The following PATL2 variants were observed in gnomAD, a reference collection of about 807,000 sequenced individuals.
The protein encoded by PATL2 is protein PAT1 homolog 2.
In PATL2, 73 loss-of-function variants were observed where a neutral mutation model predicts 77.0. The observed-to-expected ratio is 0.95, with a 90% confidence interval of 0.78 to 1.15. The LOEUF (loss-of-function observed/expected upper bound fraction) is 1.15, where lower values mean the gene tolerates loss of function less well. PATL2 is among the 50% of genes most tolerant of loss of function. PATL2 has a pLI of 0.00. For missense variants in PATL2, 618 were observed against 655.4 expected, an observed-to-expected ratio of 0.94 and a Z score of 0.62; for synonymous variants, 265 against 257.1, an observed-to-expected ratio of 1.03 and a Z score of -0.29.
Position 44,673,287 on chromosome 15 carries a change from G to C in PATL2, c.394C>G (p.Pro132Ala). 6.4e-7 allele frequency: 1 copy of C among 1,551,674 alleles called. No homozygotes were observed. Among genetic ancestry groups the C allele is most frequent in the South Asian group, 1.2e-5 (1 of 84,062 alleles). ...AQHFGPRLPS[P>A]DPTLFCSLLT... ...AGGCTGCAGAAGAGAGTTGGGTCTG[G>C]TGAGGGCAGCCGAGGTCCAAAGTGC... is the stretch of plus-strand genomic sequence containing the variant. The change falls in exon 7 of 18, where the codon CCA (proline) becomes GCA (alanine). Residue 132 changes from proline to alanine, a missense_variant. Physicochemically the swap from Pro to Ala is conservative, Grantham distance 27. Transcript: ENST00000682850.
Position 44,673,312 on chromosome 15 carries a change from C to CTG in PATL2, c.367_368dup (p.Gln123HisfsTer20). 6.4e-7 allele frequency: 1 copy of CTG among 1,551,692 alleles called. No homozygotes were observed. The highest frequency in any genetic ancestry group is 1.4e-5 in the African/African-American group (1 of 73,160). ...GTGAGGGCAGCCGAGGTCCAAAGTG[C>CTG]TGTGCTGGAGAGCTGGTGCTGGGAA... On this transcript the variant is annotated frameshift_variant, in exon 7 of 18. Transcript: ENST00000682850. LOFTEE classifies it high-confidence loss of function.
At chr15:44,710,571 G>T (rs1164220664) in intron 2 of PATL2, among the ~76,000 whole-genome samples, 3 of 152,236 alleles carry the variant, frequency 2.0e-5, no homozygotes, top group Non-Finnish European at 4.4e-5. Flanking sequence ...TCAGGCCAGA[G>T]TTTGAATTCT....
At chr15:44,679,072 T>G (rs1195197578) in intron 3 of PATL2, among the ~76,000 whole-genome samples, 1 of 152,170 alleles carries the variant, frequency 6.6e-6, no homozygotes, top group Non-Finnish European at 1.5e-5. Flanking sequence ...TTCATTTACT[T>G]GTTTATTTTG....
At chr15:44,672,520 C>T in intron 7 of PATL2, 64 bp from the exon 8 acceptor site, 2 of 1,464,298 alleles carry the variant, frequency 1.4e-6, no homozygotes, top group Non-Finnish European at 1.9e-6. Flanking sequence ...CCCCTCCATT[C>T]ATTCAGCCCA....
rs1405040820 is a variant in PATL2, at chr15:44,669,881, G to A, written c.779-7C>T. 1 of 1,551,500 alleles carries A rather than the reference G, an allele frequency of 6.4e-7. No individual in the cohort carries two copies. The highest frequency in any genetic ancestry group is 8.7e-7 in the Non-Finnish European group (1 of 1,146,950). ...GAACCCTCGATTCGGACCACTGCATGAGAAGAGAGGCACATTTCCTTCCCC... is the reference window on the plus strand; with the variant it reads ...GAACCCTCGATTCGGACCACTGCATAAGAAGAGAGGCACATTTCCTTCCCC... On this transcript the variant is annotated splice_region_variant and splice_polypyrimidine_tract_variant and intron_variant, in intron 10 of 17. Transcript: ENST00000682850.
chr15:44,676,565 C>A lies in PATL2; in HGVS notation c.-75G>T, dbSNP rs2085965699. 1 of 1,549,752 alleles carries A rather than the reference C, an allele frequency of 6.5e-7. No individual in the cohort carries two copies. The highest frequency in any genetic ancestry group is 8.7e-7 in the Non-Finnish European group (1 of 1,145,906). On this transcript the variant is annotated splice_region_variant and 5_prime_UTR_variant, in exon 4 of 18. An upstream open reading frame in the 5' UTR loses its in-frame stop. Coordinates refer to ENST00000682850, the MANE Select transcript of PATL2 (RefSeq NM_001387263.1). ...GCATTGCCAGCCTCTGGAAGGTAAACCTGAGACAAGAAAGAGGCCAAGAGG... is the reference window on the plus strand; with the variant it reads ...GCATTGCCAGCCTCTGGAAGGTAAAACTGAGACAAGAAAGAGGCCAAGAGG...
At chr15:44,687,704 C>A (rs12593352) in intron 3 of PATL2, among the ~76,000 whole-genome samples, 1 of 152,090 alleles carries the variant, frequency 6.6e-6, no homozygotes, top group South Asian at 2.1e-4. Flanking sequence ...GCAATTTCAG[C>A]AGTCTCAGGC....
intron 3 of PATL2, among the ~76,000 whole-genome samples, chr15:44,700,079 T>C (rs1269423640): frequency 6.6e-6 from 1 of 152,152 alleles, no homozygotes; most frequent in Non-Finnish European, 1.5e-5. Context: ...ATCTGTAGAT[T>C]GCTTTAGGTA....
In PATL2 at chr15:44,706,271, C is replaced by A. The variant is rs77246835; in HGVS notation, c.-76+3825G>T. Among the ~76,000 whole-genome samples, 893 of 152,224 alleles carry A rather than the reference C, an allele frequency of 5.9e-3. 9 individuals are homozygous for A. The highest frequency in any genetic ancestry group is 0.021 in the African/African-American group (859 of 41,538). On this transcript the variant is annotated intron_variant, in intron 3 of 17. Transcript: ENST00000682850. Reference sequence around the variant, plus strand: ...TTTATTATAGTCTTTGCAGTCTGGGCTGTTTGTATCTGTCCTTCTTGGGAA... The same window carrying A: ...TTTATTATAGTCTTTGCAGTCTGGGATGTTTGTATCTGTCCTTCTTGGGAA...
chr15:44,708,919 G>A (rs1406885959), intron 3 of PATL2, among the ~76,000 whole-genome samples: 1 of 151,992 alleles, frequency 6.6e-6, no homozygotes, highest in East Asian at 1.9e-4. Flanking sequence ...TTCTTTTTGA[G>A]ATGAAGTCTT....
In PATL2 at chr15:44,669,986, C is replaced by T. The variant is rs1359734408; in HGVS notation, c.759G>A (p.Lys253=). The part of the protein sequence containing the change: ...SLKLVTPYIP[K]AEAYESVVRI... Reference sequence around the variant, plus strand: ...CCCTACCGGACTCATAAGCCTCTGCCTTCGGAATGTAAGGCGTTACCAGCT... The same window carrying T: ...CCCTACCGGACTCATAAGCCTCTGCTTTCGGAATGTAAGGCGTTACCAGCT... Residue 253 remains lysine (K), a synonymous_variant, in exon 10 of 18, where the codon AAG becomes AAA. Transcript: ENST00000682850. 1.9e-6 allele frequency: 3 copies of T among 1,548,712 alleles called. No homozygotes were observed. The highest frequency in any genetic ancestry group is 2.6e-6 in the Non-Finnish European group (3 of 1,145,760).
At chr15:44,682,393 T>G (rs2141229019) in intron 3 of PATL2, among the ~76,000 whole-genome samples, 2 of 152,338 alleles carry the variant, frequency 1.3e-5, no homozygotes, top group South Asian at 4.1e-4. Context: ...TGTGTCGTCA[T>G]TCTGTTTCTA....
intron 3 of PATL2, among the ~76,000 whole-genome samples, chr15:44,684,793 C>T (rs988593866): frequency 3.3e-5 from 5 of 152,118 alleles, no homozygotes; most frequent in South Asian, 2.1e-4. Flanking sequence ...GACACATAAT[C>T]ATCAGATCCA....
intron 3 of PATL2, among the ~76,000 whole-genome samples, chr15:44,681,234 G>T (rs1435492007): frequency 6.6e-6 from 1 of 152,104 alleles, no homozygotes; most frequent in Non-Finnish European, 1.5e-5. Flanking sequence ...GCCCAGACTG[G>T]TCTCAAACTC....
At position 44,665,732 on chromosome 15, in the gene PATL2, T is replaced by A; in HGVS notation, c.*221A>T. On this transcript the variant is annotated 3_prime_UTR_variant, in exon 18 of 18. Coordinates refer to ENST00000682850, the MANE Select transcript of PATL2 (RefSeq NM_001387263.1). ...TAACTTACAAGCAAGTTCCAACACA[T>A]CATTCTATTATCTCTTTAATTATAC... 1.6e-6 allele frequency: 2 copies of A among 1,275,672 alleles called. No individual in the cohort carries two copies. Among genetic ancestry groups the A allele is most frequent in the Non-Finnish European group, 1.0e-6 (1 of 977,730 alleles). The allele number at this position is 1,275,672 out of a possible 1,614,324, so 79.0% of individuals were successfully genotyped here.
chr15:44,696,245 A>G (rs546369705), intron 3 of PATL2, among the ~76,000 whole-genome samples: 21 of 152,310 alleles, frequency 1.4e-4, no homozygotes, highest in African/African-American at 4.8e-4. Flanking sequence ...ACTGGGTATA[A>G]TCTTCCCCAG....
At chr15:44,669,691 C>A in intron 11 of PATL2, 86 bp downstream of exon 11, 1 of 1,512,180 alleles carries the variant, frequency 6.6e-7, no homozygotes. Context: ...CTTCCTCCTT[C>A]TTCGGTCACA....
At chr15:44,705,694 C>T (rs944244032) in intron 3 of PATL2, among the ~76,000 whole-genome samples, 3 of 152,032 alleles carry the variant, frequency 2.0e-5, no homozygotes, top group Non-Finnish European at 4.4e-5. Context: ...TTTTCAACTC[C>T]ATAATTTTTG....
intron 14 of PATL2, 119 bp from the exon 15 acceptor site, chr15:44,668,601 AC>A: frequency 7.8e-7 from 1 of 1,280,758 alleles, no homozygotes; most frequent in Non-Finnish European, 1.1e-6. Context: ...GAGGTTACTT[AC>A]CAGGCTTATC....
Sources: gnomAD v4.1 joint callset for allele counts (sites outside exome capture counted in the v4.1 genomes callset) on GRCh38, gnomAD v4.1.1 for gene constraint, MANE v1.5 for transcripts, NCBI Gene and HGNC (gene_info 2026-07-23, HGNC 2026-07-21) for gene names.